ZW10: variants seen among roughly 807,000 people sequenced by gnomAD.
ZW10 encodes the protein centromere/kinetochore protein zw10 homolog.
Under a neutral mutation model 87.8 loss-of-function variants are expected in ZW10, and 53 were observed. The ratio of observed to expected loss-of-function variants is 0.60; its 90% CI spans 0.48 to 0.76. The LOEUF is 0.76. Among genes scored for constraint, ZW10 ranks in the 30% least tolerant of loss-of-function variants. The probability of loss-of-function intolerance (pLI) is 0.00; values close to 1 mark genes in which losing one functional copy is unlikely to be tolerated. For synonymous variants in ZW10, 312 were observed against 329.2 expected, an observed-to-expected ratio of 0.95 and a Z score of 0.57; for missense variants, 837 against 923.0, an observed-to-expected ratio of 0.91 and a Z score of 1.21.
chr11:113,747,598 T>C lies in ZW10; in HGVS notation c.1205A>G (p.Lys402Arg). The C allele has an allele frequency of 1.9e-6, 3 of 1,613,798 alleles. No individual in the cohort carries two copies. Among genetic ancestry groups the C allele is most frequent in the Middle Eastern group, 1.7e-4 (1 of 6,058 alleles). ...ARNINSHFAN[K>R]KCQDVIVAAR... ...TGCCACAATCACATCCTGGCACTTT[T>C]TGTTTGCAAAATGAGAATTGATGTT... The change falls in exon 9 of 16, where the codon AAA (lysine) becomes AGA (arginine). Residue 402 changes from lysine (K) to arginine (R), a missense_variant. Transcript: ENST00000200135.
chr11:113,737,443 A>G (rs1591408415), intron 14 of ZW10, 129 bp downstream of exon 14: 2 of 346,528 alleles, frequency 5.8e-6, no homozygotes, highest in Non-Finnish European at 7.9e-6. Context: ...AACAAAACTG[A>G]AAAAAAAAAA....
At chr11:113,743,714 G>A (rs1385250196) in intron 10 of ZW10, 88 bp downstream of exon 10, 2 of 1,083,280 alleles carry the variant, frequency 1.8e-6, no homozygotes, top group Middle Eastern at 2.1e-4. Flanking sequence ...AAAACCCAAA[G>A]AATTCCAGCT....
At chr11:113,735,824 G>A (rs1953545630) in intron 15 of ZW10, among the ~76,000 whole-genome samples, 1 of 152,204 alleles carries the variant, frequency 6.6e-6, no homozygotes, top group Admixed American at 6.5e-5. Flanking sequence ...GAGAAAAGAT[G>A]AATCCCTTCT....
In ZW10 at chr11:113,757,864, A is replaced by G. The variant is rs1182265714; in HGVS notation, c.734-11T>C. On this transcript the variant is annotated splice_polypyrimidine_tract_variant and intron_variant, in intron 6 of 15. Transcript: ENST00000200135. Reference sequence around the variant, plus strand: ...TCAGCAGCATCTGACCTGAAAAATCATATGAACATTCATCAAAAAATCACC... The same window carrying G: ...TCAGCAGCATCTGACCTGAAAAATCGTATGAACATTCATCAAAAAATCACC... 2 of 1,573,760 alleles carry G rather than the reference A, an allele frequency of 1.3e-6. No individual in the cohort carries two copies. The highest frequency in any genetic ancestry group is 4.6e-5 in the East Asian group (2 of 43,904).
At chr11:113,757,498 G>A (rs1953802898) in intron 7 of ZW10, among the ~76,000 whole-genome samples, 164 bp downstream of exon 7, 2 of 152,180 alleles carry the variant, frequency 1.3e-5, no homozygotes, top group African/African-American at 4.8e-5. Flanking sequence ...TGCAAAATAG[G>A]CAAAAAAACA....
chr11:113,755,395 G>T (rs747517115), intron 7 of ZW10, among the ~76,000 whole-genome samples: 28 of 152,112 alleles, frequency 1.8e-4, no homozygotes, highest in Non-Finnish European at 3.4e-4. Context: ...ACTAGAAATG[G>T]CAAGAGAGCT....
At chr11:113,749,019 T>C (rs1263835917) in intron 7 of ZW10, among the ~76,000 whole-genome samples, 2 of 152,198 alleles carry the variant, frequency 1.3e-5, no homozygotes, top group African/African-American at 4.8e-5. Context: ...CTAGCTGTTA[T>C]GAACCTAGTT....
intron 1 of ZW10, chr11:113,769,722 T>C (rs974229666): frequency 2.5e-6 from 1 of 407,652 alleles, no homozygotes; most frequent in Non-Finnish European, 4.8e-6. Flanking sequence ...CAGAGGCCTA[T>C]AGCCCATAAG....
chr11:113,747,450 T>C, intron 9 of ZW10, 81 bp downstream of exon 9: 1 of 1,275,184 alleles, frequency 7.8e-7, no homozygotes, highest in Non-Finnish European at 1.1e-6. Flanking sequence ...CATCCTCTCT[T>C]CCACTTTACT....
chr11:113,766,852 A>T (rs2134897666), intron 2 of ZW10, among the ~76,000 whole-genome samples: 1 of 151,654 alleles, frequency 6.6e-6, no homozygotes, highest in Middle Eastern at 3.4e-3. Context: ...CCCTGTCTCT[A>T]CTAAAAATAC....
chr11:113,752,321 C>T (rs1005160383), intron 7 of ZW10, among the ~76,000 whole-genome samples: 3 of 151,998 alleles, frequency 2.0e-5, no homozygotes, highest in Admixed American at 6.6e-5. Flanking sequence ...ACAGCTGTTA[C>T]GGACTGAATT....
At chr11:113,760,652 A>G in intron 3 of ZW10, 62 bp from the exon 4 acceptor site, 5 of 1,411,584 alleles carry the variant, frequency 3.5e-6, no homozygotes, top group Non-Finnish European at 4.9e-6. Context: ...GCTTTTAAAC[A>G]TTAAGAAATG....
intron 10 of ZW10, 48 bp downstream of exon 10, chr11:113,743,753 AT>A (rs750967525): frequency 1.5e-6 from 2 of 1,356,684 alleles, no homozygotes; most frequent in Non-Finnish European, 2.1e-6. Flanking sequence ...CTAGTTAGAT[AT>A]GCATTTAACC....
chr11:113,747,473 A>C, intron 9 of ZW10, 58 bp downstream of exon 9: 1 of 1,461,264 alleles, frequency 6.8e-7, no homozygotes, highest in Non-Finnish European at 9.3e-7. Context: ...ATGCATCTCA[A>C]AATGAGTTGC....
chr11:113,737,822 AG>A, intron 13 of ZW10, 119 bp from the exon 14 acceptor site: 1 of 1,168,242 alleles, frequency 8.6e-7, no homozygotes, highest in Non-Finnish European at 1.2e-6. Flanking sequence ...AATGAGGTAA[AG>A]TAACTAAGGA....
intron 11 of ZW10, among the ~76,000 whole-genome samples, chr11:113,740,936 T>C (rs1246354459): frequency 2.0e-5 from 3 of 152,220 alleles, no homozygotes; most frequent in Non-Finnish European, 4.4e-5. Context: ...AAATATGTTT[T>C]CTCTTTTCTT....
chr11:113,751,986 G>T (rs1177727365), intron 7 of ZW10, among the ~76,000 whole-genome samples: 3 of 152,066 alleles, frequency 2.0e-5, no homozygotes, highest in African/African-American at 7.2e-5. Context: ...AATGAACATT[G>T]TTAAAAGCAT....
intron 15 of ZW10, among the ~76,000 whole-genome samples, chr11:113,735,347 T>TA (rs1953540075): frequency 6.6e-6 from 1 of 152,140 alleles, no homozygotes; most frequent in Non-Finnish European, 1.5e-5. Flanking sequence ...GCCTATTACT[T>TA]AAAGGTGTCT....
At chr11:113,769,434 CTCAA>C (rs1437263277) in intron 1 of ZW10, among the ~76,000 whole-genome samples, 8 of 152,122 alleles carry the variant, frequency 5.3e-5, no homozygotes, top group African/African-American at 1.7e-4. Flanking sequence ...ATCTGTATAT[CTCAA>C]TCAATTTCTA....
Sources: allele counts gnomAD v4.1 joint callset (sites outside exome capture counted in the v4.1 genomes callset), GRCh38; gene constraint gnomAD v4.1.1; transcripts MANE v1.5; gene names NCBI Gene and HGNC (gene_info 2026-07-23, HGNC 2026-07-21).